GRIK2: variants seen among roughly 807,000 people sequenced by gnomAD.
The protein encoded by GRIK2 is glutamate ionotropic receptor kainate type subunit 2.
In GRIK2, 32 loss-of-function variants were observed where a neutral mutation model predicts 100.3. The ratio of observed to expected loss-of-function variants is 0.32; its 90% CI spans 0.24 to 0.43. The LOEUF is 0.43. GRIK2 is among the 20% of genes least tolerant of loss of function. The pLI, the probability that GRIK2 is intolerant of heterozygous loss-of-function variation, is 1.00. For missense variants in GRIK2, 843 were observed against 1,114.9 expected, an observed-to-expected ratio of 0.76 and a Z score of 3.47; for synonymous variants, 417 against 389.4, an observed-to-expected ratio of 1.07 and a Z score of -0.83.
intron 12 of GRIK2, among the ~76,000 whole-genome samples, chr6:101,922,088 C>CTACCTTTCTCCAT (rs778299734): frequency 0.25 from 8,819 of 34,832 alleles, 386 homozygotes; most frequent in Non-Finnish European, 0.29. Flanking sequence ...TCCTTCCTTC[C>CTACCTTTCTCCAT]TTCCTTCCTT....
intron 2 of GRIK2, among the ~76,000 whole-genome samples, chr6:101,564,481 T>C (rs754471698): frequency 3.3e-5 from 5 of 152,198 alleles, no homozygotes; most frequent in African/African-American, 4.8e-5. Flanking sequence ...AAGAGCCAGA[T>C]GCCCAACCTG....
chr6:101,791,100 T>G (rs1428717204), intron 7 of GRIK2, among the ~76,000 whole-genome samples: 1 of 152,220 alleles, frequency 6.6e-6, no homozygotes, highest in Non-Finnish European at 1.5e-5. Flanking sequence ...TTCTCTCTTT[T>G]TTTCTTTATT....
intron 14 of GRIK2, among the ~76,000 whole-genome samples, chr6:101,987,775 AG>A (rs1353327861): frequency 6.6e-5 from 10 of 151,508 alleles, no homozygotes; most frequent in Non-Finnish European, 1.5e-4. Flanking sequence ...TAATATGTGT[AG>A]GTAATCAACA....
chr6:101,973,054 A>G (rs538505799), intron 14 of GRIK2, among the ~76,000 whole-genome samples: 1 of 151,772 alleles, frequency 6.6e-6, no homozygotes, highest in East Asian at 2.0e-4. Flanking sequence ...ACACTTTTCT[A>G]TGTCTAGTAG....
At chr6:101,483,048 A>G (rs1346127673) in intron 2 of GRIK2, among the ~76,000 whole-genome samples, 2 of 152,256 alleles carry the variant, frequency 1.3e-5, no homozygotes, top group Non-Finnish European at 2.9e-5. Context: ...GTGCAATTTA[A>G]AGATGTTGAA....
rs143087113 is a variant in GRIK2 at position 101,479,568 on chromosome 6, T to A, written c.115+80176T>A. ...TTTTGAGTTTTCTAAAAGCTTTTAC[T>A]GATTAAGTTATTATTTGTAATTTCG... On this transcript the variant is annotated intron_variant, in intron 2 of 16. Coordinates refer to ENST00000369134, the MANE Select transcript of GRIK2 (RefSeq NM_021956.5). Among the ~76,000 whole-genome samples, 34 of 152,264 alleles carry A rather than the reference T, an allele frequency of 2.2e-4. No homozygotes were observed. In the East Asian group the frequency reaches 6.4e-3, roughly 29 times the overall value.
intron 2 of GRIK2, among the ~76,000 whole-genome samples, chr6:101,583,446 G>T (rs1778197770): frequency 6.6e-6 from 1 of 152,102 alleles, no homozygotes; most frequent in Non-Finnish European, 1.5e-5. Context: ...TTATTGCCAT[G>T]TGTAGCTACA....
intron 15 of GRIK2, among the ~76,000 whole-genome samples, chr6:102,035,806 G>A (rs1770239239): frequency 6.6e-6 from 1 of 151,326 alleles, no homozygotes; most frequent in African/African-American, 2.4e-5. Context: ...TACTGTATCA[G>A]TGTTGAAAAA....
chr6:101,943,071 G>A (rs1421147374), intron 14 of GRIK2, among the ~76,000 whole-genome samples: 2 of 152,192 alleles, frequency 1.3e-5, no homozygotes, highest in Non-Finnish European at 2.9e-5. Context: ...GCTCTGTGCA[G>A]CCTCAGGACA....
intron 2 of GRIK2, among the ~76,000 whole-genome samples, chr6:101,460,518 A>G (rs1771249609): frequency 6.6e-6 from 1 of 152,210 alleles, no homozygotes; most frequent in African/African-American, 2.4e-5. Context: ...ATTAACAGGA[A>G]CTGTTGCAAA....
At chr6:101,527,243 T>A (rs1775200042) in intron 2 of GRIK2, among the ~76,000 whole-genome samples, 1 of 152,200 alleles carries the variant, frequency 6.6e-6, no homozygotes, top group Non-Finnish European at 1.5e-5. Flanking sequence ...AAATGAAAAC[T>A]GCTATGTTAT....
At chr6:101,587,507 G>A (rs1269043454) in intron 2 of GRIK2, among the ~76,000 whole-genome samples, 1 of 152,032 alleles carries the variant, frequency 6.6e-6, no homozygotes, top group Non-Finnish European at 1.5e-5. Flanking sequence ...GAGAAAGAAT[G>A]AGGAAGCAGT....
At chr6:101,487,534 G>A (rs1002942566) in intron 2 of GRIK2, among the ~76,000 whole-genome samples, 3 of 146,704 alleles carry the variant, frequency 2.0e-5, no homozygotes, top group African/African-American at 7.8e-5. Context: ...AGAACCTTCA[G>A]GGCCATCTTT....
intron 2 of GRIK2, among the ~76,000 whole-genome samples, chr6:101,492,032 A>G (rs1315191263): frequency 6.6e-6 from 1 of 151,966 alleles, no homozygotes; most frequent in Non-Finnish European, 1.5e-5. Flanking sequence ...AGGATGTAGC[A>G]GTATTAGTAA....
intron 2 of GRIK2, among the ~76,000 whole-genome samples, chr6:101,491,595 A>G (rs1231036729): frequency 2.0e-5 from 3 of 152,024 alleles, no homozygotes; most frequent in Non-Finnish European, 2.9e-5. Context: ...AATTTGCTTT[A>G]TATTTGTCTC....
chr6:101,738,816 C>G (rs1160479339), intron 7 of GRIK2, among the ~76,000 whole-genome samples: 1 of 152,116 alleles, frequency 6.6e-6, no homozygotes, highest in African/African-American at 2.4e-5. Context: ...CAAAATCACC[C>G]TGTGTAAAGA....
intron 2 of GRIK2, among the ~76,000 whole-genome samples, chr6:101,481,962 T>C (rs1772555262): frequency 6.6e-6 from 1 of 152,188 alleles, no homozygotes; most frequent in South Asian, 2.1e-4. Flanking sequence ...CCTGCTGCCC[T>C]GTGAGGAAGA....
chr6:101,866,182 A>G (rs1785044922), intron 11 of GRIK2, among the ~76,000 whole-genome samples: 1 of 152,130 alleles, frequency 6.6e-6, no homozygotes, highest in South Asian at 2.1e-4. Context: ...TTGATTTAGT[A>G]TTTTCCACAT....
At chr6:101,616,536 T>C (rs1156349245) in intron 2 of GRIK2, among the ~76,000 whole-genome samples, 1 of 151,770 alleles carries the variant, frequency 6.6e-6, no homozygotes, top group Admixed American at 6.6e-5. Flanking sequence ...ATATCTACCA[T>C]AGTTTCTGTA....
Sources: allele counts gnomAD v4.1 joint callset (sites outside exome capture counted in the v4.1 genomes callset), GRCh38; gene constraint gnomAD v4.1.1; transcripts MANE v1.5; gene names NCBI Gene and HGNC (gene_info 2026-07-23, HGNC 2026-07-21).